C14orf39: variants seen among roughly 807,000 people sequenced by gnomAD.
C14orf39 encodes the protein protein SIX6OS1.
C14orf39 carries 66 observed loss-of-function variants against 85.6 expected under a neutral mutation model. That is an observed-to-expected ratio of 0.77 (90% confidence interval 0.63 to 0.95). C14orf39 has a LOEUF of 0.95. C14orf39 is among the 40% of genes least tolerant of loss of function. C14orf39 has a pLI of 0.00. For synonymous variants in C14orf39, 242 were observed against 214.0 expected (o/e 1.13, Z -1.14); for missense variants, 735 against 663.9 (o/e 1.11, Z -1.18).
chr14:60,457,404 A>T (rs1891329698), intron 14 of C14orf39, among the ~76,000 whole-genome samples: 1 of 151,966 alleles, frequency 6.6e-6, no homozygotes, highest in Admixed American at 6.6e-5. Flanking sequence ...TTTCTTTTAA[A>T]ATTTCCACAA....
In C14orf39 at chr14:60,515,075, G is replaced by A. The variant is rs1893345077; in HGVS notation, c.-144+320C>T. On this transcript the variant is annotated intron_variant, in intron 1 of 5. Coordinates refer to the C14orf39 transcript ENST00000556799. This position sits in a 1 kb window ranked among gnomAD's most constrained non-coding sequence, Gnocchi z 6.2. ...GGAGGCGGCGGCGAGGGGAGAAGGG[G>A]TCATTGTCCGCGCGCTGGCCCGGGC... is the stretch of plus-strand genomic sequence containing the variant. The A allele has an allele frequency of 6.6e-6, 1 of 152,450 alleles. No individual in the cohort carries two copies. The highest frequency in any genetic ancestry group is 6.5e-5 in the Admixed American group (1 of 15,306). The allele number at this position is 152,450 out of a possible 1,614,324, so 9.4% of individuals were successfully genotyped here. A position where few individuals can be genotyped will look rare whatever the true frequency, so the allele number is the denominator to read the frequency against.
At chr14:60,475,334 C>A (rs1187484755) in intron 5 of C14orf39, among the ~76,000 whole-genome samples, 1 of 151,834 alleles carries the variant, frequency 6.6e-6, no homozygotes, top group Admixed American at 6.6e-5. Context: ...TTTATCTTTT[C>A]AAAAAACCGG....
At chr14:60,477,666 A>G (rs528903629) in intron 5 of C14orf39, among the ~76,000 whole-genome samples, 2 of 152,368 alleles carry the variant, frequency 1.3e-5, no homozygotes, top group African/African-American at 4.8e-5. Context: ...CAAATTTGTT[A>G]TAAGCTAATT....
chr14:60,446,295 A>G (rs1276268900), intron 16 of C14orf39, among the ~76,000 whole-genome samples: 1 of 152,188 alleles, frequency 6.6e-6, no homozygotes, highest in Non-Finnish European at 1.5e-5. Flanking sequence ...AAATTGATAG[A>G]CTGCTAGCAA....
chr14:60,441,363 A>G (rs1241796064), intron 17 of C14orf39, among the ~76,000 whole-genome samples: 1 of 152,186 alleles, frequency 6.6e-6, no homozygotes, highest in Non-Finnish European at 1.5e-5. Flanking sequence ...AAGAAGGTGT[A>G]TTACTTGGGT....
At chr14:60,487,871 C>T (rs76626671), upstream of C14orf39, among the ~76,000 whole-genome samples, 2,631 of 152,164 alleles carry the variant, frequency 0.017, 102 homozygotes, top group African/African-American at 0.06. Flanking sequence ...TGATTATTGA[C>T]GTTCAGCATT....
At chr14:60,465,916 A>T in intron 11 of C14orf39, 63 bp downstream of exon 11, 3 of 815,542 alleles carry the variant, frequency 3.7e-6, no homozygotes, top group Non-Finnish European at 3.8e-6. Flanking sequence ...AGGGCAGTAC[A>T]TTCATTATTA....
At chr14:60,453,059 G>A (rs1891110349) in intron 16 of C14orf39, among the ~76,000 whole-genome samples, 2 of 152,034 alleles carry the variant, frequency 1.3e-5, no homozygotes, top group African/African-American at 4.8e-5. Context: ...TACTATAAAG[G>A]TCAATTAGAT....
chr14:60,466,876 CA>C lies in C14orf39; in HGVS notation c.895+40del, dbSNP rs557598063. On this transcript the variant is annotated intron_variant, in intron 10 of 17. Transcript: ENST00000321731. ...TCCTTCTATTTCTTCTGTGTGTTTG[CA>C]AAAAAAATGATGTTTTTGAATAACA... 1,706 of 1,414,190 alleles carry C rather than the reference CA, an allele frequency of 1.2e-3. 2 individuals carry two copies. Among genetic ancestry groups the C allele is most frequent in the African/African-American group, 2.0e-3 (136 of 66,700 alleles). 87.6% of individuals were successfully genotyped at this position (1,414,190 alleles called of 1,614,324 possible).
chr14:60,457,240 G>C (rs1034029696), intron 14 of C14orf39, 145 bp from the exon 15 acceptor site: 1 of 438,218 alleles, frequency 2.3e-6, no homozygotes, highest in Non-Finnish European at 4.0e-6. Flanking sequence ...AATAACTGGT[G>C]AAAGTAATAC....
At chr14:60,467,322 T>C (rs2140108677) in intron 9 of C14orf39, among the ~76,000 whole-genome samples, 1 of 151,954 alleles carries the variant, frequency 6.6e-6, no homozygotes, top group East Asian at 1.9e-4. Context: ...TTCCTACACA[T>C]GTCAAAAACA....
intron 16 of C14orf39, among the ~76,000 whole-genome samples, chr14:60,448,680 G>C (rs1890894969): frequency 6.6e-6 from 1 of 152,036 alleles, no homozygotes; most frequent in African/African-American, 2.4e-5. Flanking sequence ...CCCATTACTG[G>C]GTATATACCC....
Position 60,469,534 on chromosome 14 carries a change from T to C in C14orf39, c.674A>G (p.Gln225Arg). 1 of 1,322,070 alleles carries C rather than the reference T, an allele frequency of 7.6e-7. No individual in the cohort carries two copies. The highest frequency in any genetic ancestry group is 1.0e-6 in the Non-Finnish European group (1 of 967,334). The allele number at this position is 1,322,070 out of a possible 1,614,324, so 81.9% of individuals were successfully genotyped here. Residue 225 changes from glutamine (Q) to arginine (R), a missense_variant and splice_region_variant, in exon 8 of 18, where the codon CAG becomes CGG. Transcript: ENST00000321731. ...AGAAATATATAACAAAATATATACC[T>C]GGTTTAAATAATTAATTTCTATTTC... ...EMEIEINYLN[Q>R]QISRHNETKA...
intron 16 of C14orf39, among the ~76,000 whole-genome samples, chr14:60,454,744 T>G (rs569936696): frequency 5.6e-4 from 85 of 152,114 alleles, no homozygotes; most frequent in Non-Finnish European, 1.1e-3. Context: ...GTCAAATTCA[T>G]TTTTTAAACT....
chr14:60,505,716 A>G (rs1421730338), intron 1 of C14orf39, among the ~76,000 whole-genome samples: 1 of 152,244 alleles, frequency 6.6e-6, no homozygotes, highest in Admixed American at 6.5e-5. Context: ...TGTGTGAGAA[A>G]AAAACAAAAA....
intron 1 of C14orf39, among the ~76,000 whole-genome samples, chr14:60,504,691 T>C (rs1031192930): frequency 1.3e-5 from 2 of 152,204 alleles, no homozygotes; most frequent in Admixed American, 1.3e-4. Flanking sequence ...AGTAATGCAG[T>C]GATGTGGTTA....
At chr14:60,444,034 C>T (rs1473239288) in intron 16 of C14orf39, among the ~76,000 whole-genome samples, 1 of 152,098 alleles carries the variant, frequency 6.6e-6, no homozygotes, top group African/African-American at 2.4e-5. Flanking sequence ...ACCAAAACCC[C>T]ATCTGTAGGT....
Position 60,461,354 on chromosome 14 carries a change from C to T in C14orf39, c.1117G>A (p.Asp373Asn), listed in dbSNP as rs756018136. 2 of 1,609,900 alleles carry T rather than the reference C, an allele frequency of 1.2e-6. No individual in the cohort carries two copies. The highest frequency in any genetic ancestry group is 3.3e-5 in the Admixed American group (2 of 59,800). ...GAAGAAAAATATAAACGGCAAATAC[C>T]TTTATCCCCTTTTTCCGACCACTGA... ...SNQWSEKGDK[D>N]AEYGDKGTVR... The change falls in exon 13 of 18, where the codon GAT (aspartate) becomes AAT (asparagine). Residue 373 changes from aspartate to asparagine, a missense_variant and splice_region_variant. Coordinates refer to ENST00000321731, the MANE Select transcript of C14orf39 (RefSeq NM_174978.3).
At chr14:60,437,162 C>T in intron 17 of C14orf39, 115 bp from the exon 18 acceptor site, 1 of 685,204 alleles carries the variant, frequency 1.5e-6, no homozygotes, top group Non-Finnish European at 2.5e-6. Context: ...ATCAGTGTTA[C>T]ACAGGAATAC....
Sources: gnomAD v4.1 joint callset for allele counts (sites outside exome capture counted in the v4.1 genomes callset) on GRCh38, gnomAD v4.1.1 for gene constraint, Gnocchi (gnomAD v3.1) non-coding constraint, MANE v1.5 for transcripts, NCBI Gene and HGNC (gene_info 2026-07-23, HGNC 2026-07-21) for gene names.